Variants in LAMA2 observed in about 807,000 individuals in gnomAD.
LAMA2 encodes the protein laminin subunit alpha 2.
A neutral mutation model predicts 364.8 loss-of-function variants in LAMA2; 269 were observed. That is an observed-to-expected ratio of 0.74 (90% CI 0.67 to 0.82). LAMA2 has a LOEUF of 0.82. Among genes scored for constraint, LAMA2 ranks in the 40% least tolerant of loss-of-function variants. The pLI is 0.00. For synonymous variants in LAMA2, 1,379 were observed against 1,370.6 expected (o/e 1.01, Z -0.14); for missense variants, 3,807 against 3,873.2 (o/e 0.98, Z 0.45).
At chr6:129,041,961 T>C (rs1322836429) in intron 1 of LAMA2, among the ~76,000 whole-genome samples, 1 of 150,000 alleles carries the variant, frequency 6.7e-6, no homozygotes, top group Non-Finnish European at 1.5e-5. Context: ...ATAATCATGC[T>C]ATTGCACTCC....
intron 15 of LAMA2, among the ~76,000 whole-genome samples, chr6:129,261,478 T>C (rs1448041092): frequency 6.6e-6 from 1 of 152,184 alleles, no homozygotes; most frequent in Non-Finnish European, 1.5e-5. Flanking sequence ...TGCTTCTGTG[T>C]ATTTTCTTTT....
intron 9 of LAMA2, among the ~76,000 whole-genome samples, chr6:129,172,990 T>C (rs965330712): frequency 6.6e-6 from 1 of 152,244 alleles, no homozygotes; most frequent in African/African-American, 2.4e-5. Flanking sequence ...CCCTGACCCC[T>C]TGCGCTTCCC....
At chr6:129,084,697 C>G (rs1025295214) in intron 3 of LAMA2, among the ~76,000 whole-genome samples, 1 of 152,094 alleles carries the variant, frequency 6.6e-6, no homozygotes, top group Non-Finnish European at 1.5e-5. Context: ...TTCCTTTTCA[C>G]CATTTGCAGT....
At chr6:129,465,704 T>G (rs1049079619) in intron 51 of LAMA2, among the ~76,000 whole-genome samples, 9 of 151,954 alleles carry the variant, frequency 5.9e-5, no homozygotes, top group Non-Finnish European at 1.2e-4. Context: ...GCCAAACATT[T>G]GTATGCCTGC....
rs552617584 is a variant in LAMA2, at chr6:128,950,425, A to G, written c.112+67068A>G. Among the ~76,000 whole-genome samples the G allele has an allele frequency of 1.1e-3, 170 of 152,302 alleles. 1 individual carries two copies. Among genetic ancestry groups the G allele is most frequent in the South Asian group, 1.9e-3 (9 of 4,818 alleles). ...AGAAGACAAAACAGCAGCATGGAAG[A>G]TGGGTGAGGAGCCAGGCCACGTGGG... is the stretch of plus-strand genomic sequence containing the variant. On this transcript the variant is annotated intron_variant, in intron 1 of 64. Coordinates refer to ENST00000421865, the MANE Select transcript of LAMA2 (RefSeq NM_000426.4).
intron 20 of LAMA2, chr6:129,292,818 G>T: frequency 1.0e-6 from 1 of 985,822 alleles, no homozygotes; most frequent in South Asian, 4.7e-5. Context: ...TATGTGGCGG[G>T]ATCCAGAGAA....
rs377236888 is a variant in LAMA2, at chr6:129,291,819, G to T, written c.2856+99G>T. ...TATACCTTCGTATATTAAAAGGAAG[G>T]TTTGGGATTATCTAATTCTACAATT... On this transcript the variant is annotated intron_variant, in intron 20 of 64. Coordinates refer to ENST00000421865, the MANE Select transcript of LAMA2 (RefSeq NM_000426.4). 58 of 822,152 alleles carry T rather than the reference G, an allele frequency of 7.1e-5. No homozygotes were observed. The African/African-American group carries it at 9.2e-4, about 13-fold the overall frequency. The allele number at this position is 822,152 out of a possible 1,614,324, so 50.9% of individuals were successfully genotyped here. A position where few individuals can be genotyped will look rare whatever the true frequency, so the allele number is the denominator to read the frequency against.
chr6:129,025,879 C>G (rs1785772289), intron 1 of LAMA2, among the ~76,000 whole-genome samples: 1 of 152,110 alleles, frequency 6.6e-6, no homozygotes, highest in Admixed American at 6.5e-5. Context: ...GCTCAGGATC[C>G]TTTTCCAGTC....
At chr6:129,022,064 A>G (rs1178242148) in intron 1 of LAMA2, among the ~76,000 whole-genome samples, 1 of 152,248 alleles carries the variant, frequency 6.6e-6, no homozygotes, top group African/African-American at 2.4e-5. Context: ...CAACCATGCT[A>G]GTAAAAATCT....
intron 22 of LAMA2, among the ~76,000 whole-genome samples, chr6:129,311,655 A>C (rs1774240982): frequency 6.6e-6 from 1 of 152,236 alleles, no homozygotes; most frequent in Non-Finnish European, 1.5e-5. Flanking sequence ...CCTAAATGAC[A>C]TTTTAGAAAT....
intron 12 of LAMA2, among the ~76,000 whole-genome samples, chr6:129,247,637 G>A (rs905045568): frequency 1.3e-5 from 2 of 152,134 alleles, no homozygotes; most frequent in East Asian, 1.9e-4. Context: ...TAAATGGTCC[G>A]TGTTTCACAC....
At chr6:129,419,393 C>T (rs1025635276) in intron 40 of LAMA2, among the ~76,000 whole-genome samples, 1 of 152,050 alleles carries the variant, frequency 6.6e-6, no homozygotes, top group Admixed American at 6.5e-5. Context: ...AGGGAAAATT[C>T]GAAGCCCTCT....
At chr6:129,308,616 C>G (rs1774022112) in intron 22 of LAMA2, among the ~76,000 whole-genome samples, 1 of 152,088 alleles carries the variant, frequency 6.6e-6, no homozygotes, top group South Asian at 2.1e-4. Flanking sequence ...TCGAGAAATA[C>G]TTCACCATTA....
At position 129,471,306 on chromosome 6, in the gene LAMA2, C is replaced by T. The variant is rs9385492; in HGVS notation, c.7301-1908C>T. Among the ~76,000 whole-genome samples the T allele has an allele frequency of 4.6e-5, 7 of 152,018 alleles. No individual in the cohort carries two copies. In the East Asian group the frequency reaches 1.4e-3, roughly 29 times the overall value. ...CTCATGAAGGATAGAGTAAAGCACT[C>T]CCTTTAAGTCAGTAAAAATATGCCA... On this transcript the variant is annotated intron_variant, in intron 51 of 64. Coordinates refer to ENST00000421865, the MANE Select transcript of LAMA2 (RefSeq NM_000426.4).
intron 3 of LAMA2, 57 bp downstream of exon 3, chr6:129,059,953 A>G (rs1381021159): frequency 2.1e-6 from 2 of 951,106 alleles, no homozygotes; most frequent in Non-Finnish European, 1.7e-6. Context: ...TACATTTGCT[A>G]TTTGTTTAGT....
At chr6:128,919,481 A>G (rs191776879) in intron 1 of LAMA2, among the ~76,000 whole-genome samples, 66 of 152,254 alleles carry the variant, frequency 4.3e-4, no homozygotes, top group African/African-American at 1.5e-3. Flanking sequence ...AGCCTTATGA[A>G]ACTGCCCTTT....
chr6:128,975,678 G>A (rs1271872010), intron 1 of LAMA2, among the ~76,000 whole-genome samples: 1 of 152,124 alleles, frequency 6.6e-6, no homozygotes, highest in Non-Finnish European at 1.5e-5. Context: ...TAGTGAATAA[G>A]TCTCACGAGA....
intron 41 of LAMA2, among the ~76,000 whole-genome samples, chr6:129,430,735 G>A (rs1375187762): frequency 2.0e-5 from 3 of 152,136 alleles, no homozygotes; most frequent in Non-Finnish European, 4.4e-5. Context: ...GGAGGCCGAG[G>A]CAGGCAGAGA....
At chr6:128,966,858 A>T (rs1020697037) in intron 1 of LAMA2, among the ~76,000 whole-genome samples, 8 of 152,218 alleles carry the variant, frequency 5.3e-5, no homozygotes, top group African/African-American at 1.9e-4. Flanking sequence ...AAAGTACTAT[A>T]TGCAGGAATA....
Sources: allele counts gnomAD v4.1 joint callset (sites outside exome capture counted in the v4.1 genomes callset), GRCh38; gene constraint gnomAD v4.1.1; transcripts MANE v1.5; gene names NCBI Gene and HGNC (gene_info 2026-07-23, HGNC 2026-07-21).